Variants in TMCC1 observed in about 807,000 individuals in gnomAD.
TMCC1 encodes transmembrane and coiled-coil domains protein 1.
Under a neutral mutation model 52.4 loss-of-function variants are expected in TMCC1, and 15 were observed. That is an observed-to-expected ratio of 0.29 (90% confidence interval 0.19 to 0.44). The LOEUF is 0.44. TMCC1 is among the 20% of genes least tolerant of loss of function. TMCC1 has a pLI of 1.00. For missense variants in TMCC1, 503 were observed against 806.0 expected, an observed-to-expected ratio of 0.62 and a Z score of 4.55; for synonymous variants, 279 against 301.9, an observed-to-expected ratio of 0.92 and a Z score of 0.79.
intron 5 of TMCC1, among the ~76,000 whole-genome samples, chr3:129,668,330 A>G (rs1377521950): frequency 1.3e-5 from 2 of 152,242 alleles, no homozygotes; most frequent in African/African-American, 4.8e-5. Flanking sequence ...GTAGAGCACT[A>G]TGGGGCCAGG....
At chr3:129,700,741 C>T (rs1263390340) in intron 4 of TMCC1, among the ~76,000 whole-genome samples, 2 of 150,312 alleles carry the variant, frequency 1.3e-5, no homozygotes, top group African/African-American at 4.9e-5. Context: ...TCTCAAAGTG[C>T]TGGGATTACA....
chr3:129,816,360 A>G (rs1294696668), intron 4 of TMCC1, among the ~76,000 whole-genome samples: 2 of 152,234 alleles, frequency 1.3e-5, no homozygotes, highest in African/African-American at 4.8e-5. Context: ...ACAAATGAAT[A>G]AAGAAAATGT....
intron 2 of TMCC1, among the ~76,000 whole-genome samples, chr3:129,870,992 C>A (rs1329054064): frequency 1.3e-5 from 2 of 151,828 alleles, no homozygotes; most frequent in African/African-American, 4.8e-5. Context: ...ACAGCCAAAT[C>A]ATACAACTTA....
chr3:129,866,491 C>T (rs577534800), intron 2 of TMCC1, among the ~76,000 whole-genome samples: 148 of 150,552 alleles, frequency 9.8e-4, no homozygotes, highest in African/African-American at 3.4e-3. Flanking sequence ...AATTCTCCTG[C>T]CTCAGCCTCC....
chr3:129,890,085 G>A (rs781390088), intron 1 of TMCC1, among the ~76,000 whole-genome samples: 2 of 152,102 alleles, frequency 1.3e-5, no homozygotes, highest in Admixed American at 6.5e-5. Flanking sequence ...CCAGGAGTTT[G>A]CCTAGGCAAC....
At chr3:129,877,341 C>T (rs1377787957) in intron 2 of TMCC1, among the ~76,000 whole-genome samples, 2 of 152,218 alleles carry the variant, frequency 1.3e-5, no homozygotes, top group African/African-American at 4.8e-5. Context: ...CCTCATTAGA[C>T]TCCAGGATAC....
chr3:129,694,831 T>C (rs2047281964), intron 4 of TMCC1, among the ~76,000 whole-genome samples: 1 of 152,156 alleles, frequency 6.6e-6, no homozygotes, highest in African/African-American at 2.4e-5. Flanking sequence ...TTTATTCTTT[T>C]ACTTTCCTAA....
chr3:129,718,679 T>C (rs2049300202), intron 4 of TMCC1, among the ~76,000 whole-genome samples: 1 of 152,234 alleles, frequency 6.6e-6, no homozygotes, highest in Non-Finnish European at 1.5e-5. Context: ...TGTAAACATA[T>C]GTAAATACAG....
intron 4 of TMCC1, among the ~76,000 whole-genome samples, chr3:129,710,452 T>G (rs1385985567): frequency 6.6e-6 from 1 of 152,158 alleles, no homozygotes; most frequent in Non-Finnish European, 1.5e-5. Flanking sequence ...TGCAAGCAAG[T>G]GTGCCCAGCT....
chr3:129,757,650 G>A (rs758243047), intron 4 of TMCC1, among the ~76,000 whole-genome samples: 18 of 151,966 alleles, frequency 1.2e-4, no homozygotes, highest in African/African-American at 4.1e-4. Context: ...TTGAAACCCC[G>A]TCTCTACTAA....
At chr3:129,773,581 C>T (rs1044645662) in intron 4 of TMCC1, among the ~76,000 whole-genome samples, 7 of 152,124 alleles carry the variant, frequency 4.6e-5, no homozygotes, top group African/African-American at 1.7e-4. Context: ...TGAAAGAGAA[C>T]AAATAAGCCC....
rs765601986 is a variant in TMCC1 at position 129,721,704 on chromosome 3, C to CAAA, written c.577-50443_577-50441dup. ...TGAAACCCCAACTCTACTAAAAATA[C>CAAA]AAAAAAAAAAAAAAAAAAAAAATTA... On this transcript the variant is annotated intron_variant, in intron 4 of 6. Transcript: ENST00000393238. 1.3e-3 allele frequency among the ~76,000 whole-genome samples: 99 copies of CAAA among 76,036 alleles called. 1 individual carries two copies. Among genetic ancestry groups the CAAA allele is most frequent in the African/African-American group, 3.8e-3 (89 of 23,430 alleles). The allele number at this position is 76,036 out of a possible 152,430, so 49.9% of individuals were successfully genotyped here. A position where few individuals can be genotyped will look rare whatever the true frequency, so the allele number is the denominator to read the frequency against.
In TMCC1 at chr3:129,670,615, G is replaced by A. The variant is rs1487619592; in HGVS notation, c.1226C>T (p.Ser409Leu). The A allele has an allele frequency of 1.9e-6, 3 of 1,614,100 alleles. No individual in the cohort carries two copies. The highest frequency in any genetic ancestry group is 2.5e-6 in the Non-Finnish European group (3 of 1,180,044). The change falls in exon 5 of 7, where the codon TCA becomes TTA. Residue 409 changes from serine (S) to leucine (L), a missense_variant. Transcript: ENST00000393238. ...ATATTTTGGGCTAGACTGAAAGTTT[G>A]AAATCACTCCCAAAGCCTTCCCCGC... ...DDAGKALGVI[S>L]NFQSSPKYGS...
At chr3:129,697,746 G>C (rs554952362) in intron 4 of TMCC1, among the ~76,000 whole-genome samples, 1 of 152,146 alleles carries the variant, frequency 6.6e-6, no homozygotes, top group African/African-American at 2.4e-5. Context: ...CAGATCCTTA[G>C]GGCAGGGGCA....
At chr3:129,890,186 A>G (rs1278504586) in intron 1 of TMCC1, among the ~76,000 whole-genome samples, 9 of 152,228 alleles carry the variant, frequency 5.9e-5, no homozygotes, top group African/African-American at 1.9e-4. Context: ...AATAGGAGAC[A>G]TAATAGCAGT....
intron 4 of TMCC1, among the ~76,000 whole-genome samples, chr3:129,705,355 C>T (rs572571181): frequency 2.7e-4 from 41 of 152,094 alleles, no homozygotes; most frequent in South Asian, 6.2e-4. Flanking sequence ...ATAATGTTCT[C>T]TTATATTTCC....
intron 4 of TMCC1, among the ~76,000 whole-genome samples, chr3:129,671,733 G>A (rs2087960716): frequency 1.3e-5 from 2 of 152,152 alleles, no homozygotes; most frequent in South Asian, 2.1e-4. Context: ...TAAATGTGTC[G>A]GCAAGAATAG....
chr3:129,876,329 G>C (rs923445188), intron 2 of TMCC1, among the ~76,000 whole-genome samples: 3 of 151,264 alleles, frequency 2.0e-5, no homozygotes, highest in Non-Finnish European at 4.4e-5. Flanking sequence ...GTGTGAAGAG[G>C]TTCTCACAAG....
chr3:129,886,428 T>C (rs372032260), intron 1 of TMCC1, among the ~76,000 whole-genome samples: 158 of 152,132 alleles, frequency 1.0e-3, no homozygotes, highest in African/African-American at 3.4e-3. Context: ...GAACTGAAAA[T>C]GTATGTTCAA....
Sources: gnomAD v4.1 joint callset for allele counts (sites outside exome capture counted in the v4.1 genomes callset) on GRCh38, gnomAD v4.1.1 for gene constraint, MANE v1.5 for transcripts, NCBI Gene and HGNC (gene_info 2026-07-23, HGNC 2026-07-21) for gene names.